The following KIF18A variants were observed in gnomAD, a reference collection of about 807,000 sequenced individuals.
KIF18A encodes the protein kinesin family member 18A, also known as kinesin-like protein KIF18A.
Under a neutral mutation model 103.3 loss-of-function variants are expected in KIF18A, and 67 were observed. That is an observed-to-expected ratio of 0.65 (90% confidence interval 0.53 to 0.79). KIF18A has a LOEUF of 0.79. KIF18A is among the 30% of genes least tolerant of loss of function. The probability of loss-of-function intolerance (pLI) is 0.00; values close to 1 mark genes in which losing one functional copy is unlikely to be tolerated. For missense variants in KIF18A, 1,032 were observed against 1,062.5 expected, an observed-to-expected ratio of 0.97 and a Z score of 0.40; for synonymous variants, 367 against 355.5, an observed-to-expected ratio of 1.03 and a Z score of -0.36.
chr11:28,059,032 T>C lies in KIF18A; in HGVS notation c.1842A>G (p.Val614=). The change falls in exon 13 of 17, where the codon GTA becomes GTG. Residue 614 remains valine, a synonymous_variant. Coordinates refer to ENST00000263181, the MANE Select transcript of KIF18A (RefSeq NM_031217.4). ...GTTCGGCAGTTTGGTCAGCCCAAAC[T>C]ACCACTTTTTTCCTCTCTACCAAAT... ...IEHLVERKKV[V]VWADQTAEQP... 6.2e-7 allele frequency: 1 copy of C among 1,614,120 alleles called. No homozygotes were observed. Among genetic ancestry groups the C allele is most frequent in the Non-Finnish European group, 8.5e-7 (1 of 1,179,972 alleles).
At position 28,070,044 on chromosome 11, in the gene KIF18A, G is replaced by T. The variant is rs749960708; in HGVS notation, c.1426-621C>A. Reference sequence around the variant, plus strand: ...TAGTCTTTGATTTCTTACCCTAAGGGTCTTGCACACTATCATGAAAACAAT... The same window carrying T: ...TAGTCTTTGATTTCTTACCCTAAGGTTCTTGCACACTATCATGAAAACAAT... On this transcript the variant is annotated intron_variant, in intron 10 of 16. Transcript: ENST00000263181. Among the ~76,000 whole-genome samples, 4 of 152,086 alleles carry T rather than the reference G, an allele frequency of 2.6e-5. No homozygotes were observed. In the South Asian group the frequency reaches 6.2e-4, roughly 24 times the overall value.
chr11:28,046,739 G>GAAAAAAAAAAA, intron 13 of KIF18A, among the ~76,000 whole-genome samples: 2 of 131,496 alleles, frequency 1.5e-5, no homozygotes, highest in Non-Finnish European at 3.2e-5. Flanking sequence ...GAAATTAAAT[G>GAAAAAAAAAAA]AAAAAAAAAA....
Position 28,035,445 on chromosome 11 carries a change from T to C in KIF18A, c.2446A>G (p.Met816Val). The C allele has an allele frequency of 3.1e-6, 5 of 1,604,120 alleles. No individual in the cohort carries two copies. Among genetic ancestry groups the C allele is most frequent in the Non-Finnish European group, 3.4e-6 (4 of 1,174,434 alleles). ...GTCATTGCCATGTAGGATGGCACCA[T>C]GCTTGGTACAGGCATAGAATGCTTA... The part of the protein sequence containing the change: ...STKHSMPVPS[M>V]VPSYMAMTTA... The change falls in exon 15 of 17, where the codon ATG becomes GTG. Residue 816 changes from methionine to valine, a missense_variant. Coordinates refer to ENST00000263181, the MANE Select transcript of KIF18A (RefSeq NM_031217.4).
At chr11:28,099,989 T>C (rs716366) in intron 1 of KIF18A, among the ~76,000 whole-genome samples, 57,673 of 151,904 alleles carry the variant, frequency 0.38, 12,554 homozygotes, top group African/African-American at 0.6. Flanking sequence ...GCAGAGGTGG[T>C]AAGTGGTCAG....
At chr11:28,053,822 G>T (rs530556496) in intron 13 of KIF18A, among the ~76,000 whole-genome samples, 1 of 151,930 alleles carries the variant, frequency 6.6e-6, no homozygotes, top group Non-Finnish European at 1.5e-5. Flanking sequence ...TAGGTGTTGG[G>T]CACATGGTAC....
chr11:28,046,604 A>C (rs1238292242), intron 13 of KIF18A, among the ~76,000 whole-genome samples: 1 of 143,064 alleles, frequency 7.0e-6, no homozygotes, highest in Non-Finnish European at 1.5e-5. Flanking sequence ...CTAGATGACG[A>C]GTTAGTGGGT....
intron 10 of KIF18A, 33 bp downstream of exon 10, chr11:28,076,974 T>G (rs1380322940): frequency 9.1e-7 from 1 of 1,100,784 alleles, no homozygotes; most frequent in Non-Finnish European, 1.2e-6. Context: ...GTTTTTATAC[T>G]TTCTAAAATT....
chr11:28,021,325 C>T (rs1043959458), intron 16 of KIF18A, 43 bp from the exon 17 acceptor site: 2 of 1,284,088 alleles, frequency 1.6e-6, no homozygotes, highest in Admixed American at 3.9e-5. Context: ...GCATAAATAT[C>T]ATTCAAAAAG....
intron 6 of KIF18A, among the ~76,000 whole-genome samples, chr11:28,087,332 G>A (rs1269777104): frequency 6.6e-6 from 1 of 152,148 alleles, no homozygotes; most frequent in Non-Finnish European, 1.5e-5. Context: ...AACCTGCTAT[G>A]CAGTGTTTGG....
At chr11:28,067,377 T>C (rs1387578452) in intron 11 of KIF18A, among the ~76,000 whole-genome samples, 1 of 152,090 alleles carries the variant, frequency 6.6e-6, no homozygotes, top group Non-Finnish European at 1.5e-5. Context: ...GTTTCCTTCT[T>C]AGGAAACAGG....
chr11:28,074,806 G>T (rs964502846), intron 10 of KIF18A, among the ~76,000 whole-genome samples: 18 of 152,180 alleles, frequency 1.2e-4, no homozygotes, highest in African/African-American at 4.1e-4. Flanking sequence ...AGAGGAATGG[G>T]TTGTTACTTA....
At chr11:28,043,962 T>TA (rs1850597093) in intron 13 of KIF18A, among the ~76,000 whole-genome samples, 1 of 150,500 alleles carries the variant, frequency 6.6e-6, no homozygotes, top group African/African-American at 2.4e-5. Context: ...AGGAAGCCAA[T>TA]AAAAAATCAG....
chr11:28,060,363 AT>A (rs1850842647), intron 12 of KIF18A, among the ~76,000 whole-genome samples: 1 of 152,204 alleles, frequency 6.6e-6, no homozygotes, highest in South Asian at 2.1e-4. Flanking sequence ...CTAATCGGGC[AT>A]TCACTTTCAT....
chr11:28,039,094 C>G (rs1044847022), intron 13 of KIF18A, among the ~76,000 whole-genome samples: 1 of 151,648 alleles, frequency 6.6e-6, no homozygotes, highest in African/African-American at 2.4e-5. Context: ...GGGCAACTCA[C>G]TTAAGCAGTG....
rs371085712 is a variant in KIF18A, at chr11:28,036,190, G to C, written c.2396+27C>G. 57 of 1,432,144 alleles carry C rather than the reference G, an allele frequency of 4.0e-5. No homozygotes were observed. The African/African-American group carries it at 7.5e-4, about 19-fold the overall frequency. 88.7% of individuals were successfully genotyped at this position (1,432,144 alleles called of 1,614,324 possible). ...GTTGAAAGTCTATGTTAAAAAAAAAGAATTGGCAAATATTATTTTTTTGTA... is the reference window on the plus strand; with the variant it reads ...GTTGAAAGTCTATGTTAAAAAAAAACAATTGGCAAATATTATTTTTTTGTA... On this transcript the variant is annotated intron_variant, in intron 14 of 16. Transcript: ENST00000263181.
At chr11:28,056,148 T>C (rs868868993) in intron 13 of KIF18A, among the ~76,000 whole-genome samples, 1 of 146,110 alleles carries the variant, frequency 6.8e-6, no homozygotes, top group Non-Finnish European at 1.5e-5. Context: ...TCAGTACAGA[T>C]GAAACCATCC....
chr11:28,078,032 T>C (rs1851117860), intron 9 of KIF18A, among the ~76,000 whole-genome samples: 1 of 152,158 alleles, frequency 6.6e-6, no homozygotes, highest in African/African-American at 2.4e-5. Context: ...TTTTAAGTCA[T>C]AGATCAGCTC....
intron 16 of KIF18A, among the ~76,000 whole-genome samples, chr11:28,023,509 T>C (rs1273377225): frequency 1.3e-5 from 2 of 152,200 alleles, no homozygotes; most frequent in African/African-American, 4.8e-5. Flanking sequence ...TTTTAAGATC[T>C]GGTTCTTGAG....
In KIF18A at chr11:28,096,252, A is replaced by G. The variant is rs187745437; in HGVS notation, c.325+1371T>C. ...GAATTACATATGGTAAACACCCAATACAATAATCAGTTAAGGCAATAACTT... is the reference window on the plus strand; with the variant it reads ...GAATTACATATGGTAAACACCCAATGCAATAATCAGTTAAGGCAATAACTT... On this transcript the variant is annotated intron_variant, in intron 2 of 16. Transcript: ENST00000263181. Among the ~76,000 whole-genome samples the G allele has an allele frequency of 2.0e-5, 3 of 151,940 alleles. No individual in the cohort carries two copies. In the East Asian group the frequency reaches 5.8e-4, roughly 29 times the overall value.
Sources: allele counts gnomAD v4.1 joint callset (sites outside exome capture counted in the v4.1 genomes callset), GRCh38; gene constraint gnomAD v4.1.1; transcripts MANE v1.5; gene names NCBI Gene and HGNC (gene_info 2026-07-23, HGNC 2026-07-21).